Variants in TTI1 observed in about 807,000 individuals in gnomAD.
The protein encoded by TTI1 is TELO2 interacting protein 1.
In TTI1, 52 loss-of-function variants were observed where a neutral mutation model predicts 85.4. The ratio of observed to expected loss-of-function variants is 0.61; its 90% CI spans 0.49 to 0.77. The LOEUF is 0.77. Ranked by LOEUF, TTI1 falls within the 30% of genes least tolerant of loss-of-function variation. The pLI is 0.00. For synonymous variants in TTI1, 512 were observed against 503.9 expected (o/e 1.02, Z -0.22); for missense variants, 1,173 against 1,296.0 (o/e 0.91, Z 1.46).
Position 37,983,399 on chromosome 20 carries a change from C to G in TTI1, c.*57G>C. The G allele has an allele frequency of 6.4e-7, 1 of 1,567,930 alleles. No homozygotes were observed. The highest frequency in any genetic ancestry group is 8.6e-7 in the Non-Finnish European group (1 of 1,159,248). On this transcript the variant is annotated 3_prime_UTR_variant, in exon 8 of 8. Transcript: ENST00000373447. ...GCCTATGGCCGGGGTGGGGTCAGCCCAGCTTCTGGCTGGCAGTAGGGGAGG... is the reference window on the plus strand; with the variant it reads ...GCCTATGGCCGGGGTGGGGTCAGCCGAGCTTCTGGCTGGCAGTAGGGGAGG...
rs2073603007 is a variant in TTI1, at chr20:38,012,121, T to C, written c.1696A>G (p.Ser566Gly). Residue 566 changes from serine to glycine, a missense_variant, in exon 2 of 8, where the codon AGT becomes GGT. Transcript: ENST00000373447. ...IVTSILEEYT[S>G]QENWYLVTCL... is the part of the protein sequence containing the mutation. ...GTAACCAAATACCAATTTTCTTGAC[T>C]TGTGTATTCTTCAAGTATAGATGTC... 6.2e-7 allele frequency: 1 copy of C among 1,614,096 alleles called. No homozygotes were observed. The highest frequency in any genetic ancestry group is 8.5e-7 in the Non-Finnish European group (1 of 1,180,046).
intron 7 of TTI1, among the ~76,000 whole-genome samples, chr20:37,988,130 T>C (rs560943494): frequency 6.6e-6 from 1 of 152,160 alleles, no homozygotes; most frequent in South Asian, 2.1e-4. Context: ...TCTGCTGGGG[T>C]AGACTAAGGG....
rs761977832 is a variant in TTI1 at position 37,999,299 on chromosome 20, A to C, written c.2682T>G (p.Val894=). 8.7e-6 allele frequency: 13 copies of C among 1,490,468 alleles called. No individual in the cohort carries two copies. Among genetic ancestry groups the C allele is most frequent in the African/African-American group, 4.3e-5 (3 of 70,056 alleles). The allele number at this position is 1,490,468 out of a possible 1,614,324, so 92.3% of individuals were successfully genotyped here. A position where few individuals can be genotyped will look rare whatever the true frequency, so the allele number is the denominator to read the frequency against. The change falls in exon 5 of 8, where the codon GTT becomes GTG. Residue 894 remains valine, a synonymous_variant. Coordinates refer to ENST00000373447, the MANE Select transcript of TTI1 (RefSeq NM_001303457.2). ...KVLDVLDLCV[V]VLQSHKNQLL... The stretch of plus-strand genomic sequence containing the variant: ...GCTGGTTTTTGTGGGACTGAAGAAC[A>C]ACCACACACAGATCCAGCACATCCA...
At chr20:38,006,164 A>G (rs772452218) in intron 3 of TTI1, 33 bp downstream of exon 3, 6 of 1,611,074 alleles carry the variant, frequency 3.7e-6, no homozygotes, top group South Asian at 3.3e-5. Flanking sequence ...TTTCAGAAAG[A>G]AAAAACCAGC....
At chr20:38,027,754 G>A (rs760308135) in intron 1 of TTI1, among the ~76,000 whole-genome samples, 52 of 151,958 alleles carry the variant, frequency 3.4e-4, no homozygotes, top group Non-Finnish European at 6.5e-4. Context: ...GTGAAACCCC[G>A]TCTCTACAAA....
chr20:38,028,490 A>G (rs1221463832), intron 1 of TTI1, among the ~76,000 whole-genome samples: 3 of 152,246 alleles, frequency 2.0e-5, no homozygotes, highest in Non-Finnish European at 2.9e-5. Context: ...CTTAAAATGT[A>G]TATGCTGTAA....
At chr20:37,996,554 A>C in intron 6 of TTI1, 92 bp from the exon 7 acceptor site, 1 of 1,492,156 alleles carries the variant, frequency 6.7e-7, no homozygotes, top group Admixed American at 1.7e-5. Flanking sequence ...TGCAACAGCT[A>C]GGCAAGATGC....
At chr20:38,033,155 C>A (rs16987085) in intron 1 of TTI1, among the ~76,000 whole-genome samples, 4,209 of 152,154 alleles carry the variant, frequency 0.028, 206 homozygotes, top group African/African-American at 0.097. Context: ...AGAGAACGAG[C>A]GCCAGGGCGT....
chr20:38,018,479 T>G (rs924791897), intron 1 of TTI1, among the ~76,000 whole-genome samples: 1 of 151,846 alleles, frequency 6.6e-6, no homozygotes, highest in African/African-American at 2.4e-5. Flanking sequence ...ATAAAAGACG[T>G]GGAATAAAAG....
intron 7 of TTI1, among the ~76,000 whole-genome samples, chr20:37,986,160 C>T (rs2073187544): frequency 6.6e-6 from 1 of 152,156 alleles, no homozygotes; most frequent in Non-Finnish European, 1.5e-5. Flanking sequence ...ATTTTTTCCC[C>T]TTTCAAGAGC....
intron 1 of TTI1, among the ~76,000 whole-genome samples, chr20:38,020,851 G>A (rs1277666497): frequency 6.6e-6 from 1 of 152,164 alleles, no homozygotes; most frequent in Non-Finnish European, 1.5e-5. Context: ...AATACTAGGT[G>A]CTGGCAAGGA....
At chr20:37,987,091 A>T in intron 7 of TTI1, 1 of 447,004 alleles carries the variant, frequency 2.2e-6, no homozygotes, top group Non-Finnish European at 4.5e-6. Flanking sequence ...AACTCTAAAC[A>T]CGACAAATTC....
intron 1 of TTI1, among the ~76,000 whole-genome samples, chr20:38,016,565 T>C (rs1435264703): frequency 6.6e-6 from 1 of 152,242 alleles, no homozygotes; most frequent in African/African-American, 2.4e-5. Context: ...CTTGGTGATT[T>C]ATAGTCAAGC....
chr20:38,002,112 C>T (rs2073434644), intron 4 of TTI1, among the ~76,000 whole-genome samples: 1 of 152,046 alleles, frequency 6.6e-6, no homozygotes, highest in African/African-American at 2.4e-5. Flanking sequence ...AAAGCCCTGC[C>T]CCCCACTTCT....
chr20:38,017,418 G>GTGTGTGTA lies in TTI1; in HGVS notation c.-41-3562_-41-3561insTACACACA, dbSNP rs555784950. Among the ~76,000 whole-genome samples the GTGTGTGTA allele has an allele frequency of 2.8e-4, 43 of 151,542 alleles. No individual in the cohort carries two copies. The South Asian group carries it at 8.8e-3, about 31-fold the overall frequency. On this transcript the variant is annotated intron_variant, in intron 1 of 7. Transcript: ENST00000373447. ...CAATCAATAGCTTGTGTGTGTGTGTGTGTGTGTGTGTGTGTGTGCGCGCGC... is the reference window on the plus strand; with the variant it reads ...CAATCAATAGCTTGTGTGTGTGTGTGTGTGTGTATGTGTGTGTGTGTGTGTGCGCGCGC...
rs2073350479 is a variant in TTI1, at chr20:37,996,930, C to T, written c.2817G>A (p.Lys939=). Reference sequence around the variant, plus strand: ...ACCGGCTGCGAAGAAAGTCACCACACTTGCTTCCCAGGGTACGTAAAACCT... The same window carrying T: ...ACCGGCTGCGAAGAAAGTCACCACATTTGCTTCCCAGGGTACGTAAAACCT... ...AFKVLRTLGS[K]CGDFLRSRFC... Residue 939 remains lysine (K), a synonymous_variant, in exon 6 of 8, where the codon AAG becomes AAA. Coordinates refer to ENST00000373447, the MANE Select transcript of TTI1 (RefSeq NM_001303457.2). The T allele has an allele frequency of 1.2e-6, 2 of 1,614,080 alleles. No homozygotes were observed. The highest frequency in any genetic ancestry group is 1.3e-5 in the African/African-American group (1 of 75,072).
intron 1 of TTI1, among the ~76,000 whole-genome samples, chr20:38,031,177 T>G (rs2073901456): frequency 6.6e-6 from 1 of 152,220 alleles, no homozygotes; most frequent in African/African-American, 2.4e-5. Context: ...TCTTACTGTC[T>G]TATTTTCTAC....
At chr20:38,027,454 A>G (rs1201024952) in intron 1 of TTI1, among the ~76,000 whole-genome samples, 1 of 152,208 alleles carries the variant, frequency 6.6e-6, no homozygotes, top group African/African-American at 2.4e-5. Flanking sequence ...AACCCCCTCG[A>G]GCAGTCAAAA....
intron 7 of TTI1, among the ~76,000 whole-genome samples, chr20:37,990,824 G>C (rs751810553): frequency 6.6e-6 from 1 of 152,190 alleles, no homozygotes; most frequent in Admixed American, 6.5e-5. Context: ...GGCATGCACT[G>C]TGCACACACA....
Sources: allele counts gnomAD v4.1 joint callset (sites outside exome capture counted in the v4.1 genomes callset), GRCh38; gene constraint gnomAD v4.1.1; transcripts MANE v1.5; gene names NCBI Gene and HGNC (gene_info 2026-07-23, HGNC 2026-07-21).